Variants in DNAH14 observed in about 807,000 individuals in gnomAD.
DNAH14 encodes axonemal beta dynein heavy chain 14.
A neutral mutation model predicts 520.9 loss-of-function variants in DNAH14; 478 were observed. The observed-to-expected ratio is 0.92, with a 90% CI of 0.85 to 0.99. The LOEUF (loss-of-function observed/expected upper bound fraction) is 0.99. Ranked by LOEUF, DNAH14 falls within the 50% of genes least tolerant of loss-of-function variation. The pLI is 0.00. For synonymous variants in DNAH14, 1,581 were observed against 1,757.2 expected, an observed-to-expected ratio of 0.90 and a Z score of 2.51; for missense variants, 4,831 against 5,234.5, an observed-to-expected ratio of 0.92 and a Z score of 2.38.
At chr1:225,159,757 A>G (rs914995903) in intron 35 of DNAH14, among the ~76,000 whole-genome samples, 1 of 152,226 alleles carries the variant, frequency 6.6e-6, no homozygotes, top group Non-Finnish European at 1.5e-5. Context: ...ATCTTTTGAA[A>G]TGAGGATAAT....
At chr1:225,050,146 T>A in intron 15 of DNAH14, 64 bp from the exon 16 acceptor site, 2 of 1,356,756 alleles carry the variant, frequency 1.5e-6, no homozygotes, top group Non-Finnish European at 2.0e-6. Context: ...ATGTCATGGA[T>A]AATTTTGAAG....
intron 31 of DNAH14, chr1:225,151,746 T>G (rs2080519313): frequency 3.3e-6 from 2 of 614,134 alleles, no homozygotes; most frequent in South Asian, 4.0e-5. Flanking sequence ...CTCATTCAGC[T>G]AGGTATCTTC....
intron 53 of DNAH14, 71 bp from the exon 54 acceptor site, chr1:225,277,339 T>G (rs1334545825): frequency 2.4e-6 from 1 of 424,632 alleles, no homozygotes; most frequent in African/African-American, 2.1e-5. Flanking sequence ...GTAAATTGTA[T>G]GTAAAACCAC....
intron 4 of DNAH14, among the ~76,000 whole-genome samples, chr1:224,963,208 T>A (rs1000089983): frequency 5.3e-5 from 8 of 152,140 alleles, no homozygotes; most frequent in African/African-American, 1.9e-4. Context: ...TATAAACATC[T>A]TTTTAAAATT....
At chr1:225,140,556 A>G (rs762732471) in intron 27 of DNAH14, among the ~76,000 whole-genome samples, 1 of 152,184 alleles carries the variant, frequency 6.6e-6, no homozygotes, top group Admixed American at 6.5e-5. Flanking sequence ...AAGACTTAGG[A>G]AGTACAAATG....
At chr1:225,137,050 A>G (rs868600269) in intron 27 of DNAH14, among the ~76,000 whole-genome samples, 8 of 152,108 alleles carry the variant, frequency 5.3e-5, no homozygotes, top group South Asian at 2.1e-4. Context: ...CAGCTCCTGC[A>G]TTGTGTTGTT....
At chr1:225,010,395 G>A (rs1259195606) in intron 10 of DNAH14, among the ~76,000 whole-genome samples, 8 of 152,086 alleles carry the variant, frequency 5.3e-5, no homozygotes, top group African/African-American at 1.9e-4. Flanking sequence ...GATGGACTAC[G>A]TGTATTGATT....
chr1:225,283,692 G>A (rs1223850563), intron 54 of DNAH14, among the ~76,000 whole-genome samples: 1 of 152,076 alleles, frequency 6.6e-6, no homozygotes, highest in African/African-American at 2.4e-5. Flanking sequence ...TGAACTAATT[G>A]ACATGATAGA....
rs193003563 is a variant in DNAH14 at position 225,273,293 on chromosome 1, G to A, written c.8010+168G>A. On this transcript the variant is annotated intron_variant, in intron 52 of 85. Coordinates refer to ENST00000682510, the MANE Select transcript of DNAH14 (RefSeq NM_001367479.1). ...AAAAATACAAAAAAATTAGCCGGGCGTGGTGATGGGCGCCTGTAGTCCCAG... is the reference window on the plus strand; with the variant it reads ...AAAAATACAAAAAAATTAGCCGGGCATGGTGATGGGCGCCTGTAGTCCCAG... Among the ~76,000 whole-genome samples the A allele has an allele frequency of 5.0e-3, 764 of 152,284 alleles. 6 individuals are homozygous for A. Among genetic ancestry groups the A allele is most frequent in the African/African-American group, 0.017 (719 of 41,572 alleles).
At chr1:225,034,816 C>CT (rs1463614166) in intron 11 of DNAH14, among the ~76,000 whole-genome samples, 1 of 152,062 alleles carries the variant, frequency 6.6e-6, no homozygotes, top group Non-Finnish European at 1.5e-5. Context: ...GCGTATGTGT[C>CT]TAAGAATTTA....
chr1:225,065,805 G>T (rs1189263947), intron 17 of DNAH14, among the ~76,000 whole-genome samples: 1 of 152,052 alleles, frequency 6.6e-6, no homozygotes, highest in Non-Finnish European at 1.5e-5. Context: ...GTCCATAAGT[G>T]AATAGTGCTA....
intron 23 of DNAH14, among the ~76,000 whole-genome samples, chr1:225,106,207 G>GC (rs1482301502): frequency 1.3e-5 from 2 of 151,238 alleles, no homozygotes; most frequent in Non-Finnish European, 2.9e-5. Context: ...TTGAATATTG[G>GC]CCCCCACTCT....
At chr1:225,069,427 C>T (rs981312463) in intron 17 of DNAH14, among the ~76,000 whole-genome samples, 7 of 151,920 alleles carry the variant, frequency 4.6e-5, no homozygotes, top group African/African-American at 1.4e-4. Flanking sequence ...GATGTTGAAT[C>T]GCATTAAAGG....
At position 225,289,892 on chromosome 1, in the gene DNAH14, T is replaced by C. The variant is rs754281475; in HGVS notation, c.8279T>C (p.Ile2760Thr). The C allele has an allele frequency of 4.3e-6, 6 of 1,409,970 alleles. No homozygotes were observed. The South Asian group carries it at 1.0e-4, about 24-fold the overall frequency. 87.3% of individuals were successfully genotyped at this position (1,409,970 alleles called of 1,614,324 possible). The change falls in exon 55 of 86, where the codon ATA becomes ACA. Residue 2760 changes from isoleucine (I) to threonine (T), a missense_variant. Coordinates refer to ENST00000682510, the MANE Select transcript of DNAH14 (RefSeq NM_001367479.1). ...ATTTCTTTTCTCCCAAAGATTGGAA[T>C]AGATGGATGTGGGAAAAAAACATGT... ...QPGSHMLLIG[I>T]DGCGKKTCAT... is the part of the protein sequence containing the mutation.
chr1:225,328,715 G>A (rs2094729049), intron 64 of DNAH14, among the ~76,000 whole-genome samples: 1 of 152,082 alleles, frequency 6.6e-6, no homozygotes, highest in African/African-American at 2.4e-5. Context: ...GGACTGCAAT[G>A]CTCATCATAT....
chr1:225,238,976 G>T (rs1344859274), intron 42 of DNAH14, among the ~76,000 whole-genome samples: 1 of 152,192 alleles, frequency 6.6e-6, no homozygotes, highest in Non-Finnish European at 1.5e-5. Flanking sequence ...GAGCCAGCAG[G>T]CTGGAACAAC....
chr1:225,023,080 G>C (rs79150411), intron 10 of DNAH14, among the ~76,000 whole-genome samples: 2,059 of 152,214 alleles, frequency 0.014, 19 homozygotes, highest in Non-Finnish European at 0.022. Flanking sequence ...AGACACTGGA[G>C]ACTGCTTGAG....
intron 75 of DNAH14, among the ~76,000 whole-genome samples, chr1:225,363,252 T>C (rs960307333): frequency 2.0e-5 from 3 of 152,228 alleles, no homozygotes; most frequent in African/African-American, 4.8e-5. Context: ...GTGTTCATTG[T>C]TGATTATTTA....
intron 43 of DNAH14, among the ~76,000 whole-genome samples, chr1:225,242,032 G>C (rs2091995238): frequency 6.6e-6 from 1 of 152,120 alleles, no homozygotes; most frequent in Admixed American, 6.6e-5. Context: ...AGACTAGCTT[G>C]GGCAACATAG....
Sources: allele counts gnomAD v4.1 joint callset (sites outside exome capture counted in the v4.1 genomes callset), GRCh38; gene constraint gnomAD v4.1.1; transcripts MANE v1.5; gene names NCBI Gene and HGNC (gene_info 2026-07-23, HGNC 2026-07-21).